TRPM3: variants seen among roughly 807,000 people sequenced by gnomAD.
The protein encoded by TRPM3 is long transient receptor potential channel 3.
In TRPM3, 77 loss-of-function variants were observed where a neutral mutation model predicts 181.2. That is an observed-to-expected ratio of 0.42 (90% CI 0.35 to 0.51). The LOEUF (loss-of-function observed/expected upper bound fraction) is 0.51. TRPM3 is among the 20% of genes least tolerant of loss of function. The pLI, the probability that TRPM3 is intolerant of heterozygous loss-of-function variation, is 0.01. For missense variants in TRPM3, 1,759 were observed against 2,196.7 expected, an observed-to-expected ratio of 0.80 and a Z score of 3.98; for synonymous variants, 745 against 796.4, an observed-to-expected ratio of 0.94 and a Z score of 1.09.
At chr9:70,996,637 C>A (rs1271069680) in intron 1 of TRPM3, among the ~76,000 whole-genome samples, 2 of 152,114 alleles carry the variant, frequency 1.3e-5, no homozygotes, top group Non-Finnish European at 2.9e-5. Flanking sequence ...ACCTTTAGAT[C>A]AGCTCCCTGT....
chr9:70,975,279 T>TA (rs951201467), intron 1 of TRPM3, among the ~76,000 whole-genome samples: 1 of 152,044 alleles, frequency 6.6e-6, no homozygotes, highest in Non-Finnish European at 1.5e-5. Context: ...TCTTTAAGAG[T>TA]AAAAAAATAA....
chr9:70,810,923 A>C (rs1169770044), intron 6 of TRPM3, among the ~76,000 whole-genome samples: 1 of 152,198 alleles, frequency 6.6e-6, no homozygotes, highest in Non-Finnish European at 1.5e-5. Context: ...TTGGAACCTA[A>C]ATAAATGCTC....
chr9:71,400,773 A>G (rs1465271566), intron 1 of TRPM3, among the ~76,000 whole-genome samples: 1 of 151,544 alleles, frequency 6.6e-6, no homozygotes, highest in African/African-American at 2.4e-5. Context: ...GTGTATGGCA[A>G]TGTATTTTAC....
chr9:70,962,852 G>T (rs1405227966), intron 1 of TRPM3, among the ~76,000 whole-genome samples: 5 of 152,094 alleles, frequency 3.3e-5, no homozygotes, highest in African/African-American at 9.7e-5. Context: ...TCACCGGGGG[G>T]ACAAGGGGAC....
At chr9:71,300,865 C>G (rs2086706072) in intron 1 of TRPM3, among the ~76,000 whole-genome samples, 1 of 152,098 alleles carries the variant, frequency 6.6e-6, no homozygotes, top group Non-Finnish European at 1.5e-5. Context: ...GAGGGATACG[C>G]ACTACTACTG....
intron 1 of TRPM3, among the ~76,000 whole-genome samples, chr9:71,438,502 T>G (rs1161956124): frequency 1.0e-5 from 1 of 95,892 alleles, no homozygotes; most frequent in East Asian, 2.4e-4. Context: ...AAACCCCTTC[T>G]CTACAAAAAA....
intron 8 of TRPM3, among the ~76,000 whole-genome samples, chr9:70,690,057 T>C (rs1377358448): frequency 6.6e-6 from 1 of 152,018 alleles, no homozygotes; most frequent in East Asian, 1.9e-4. Flanking sequence ...TCCATGAAAA[T>C]AGAGATGAAG....
intron 1 of TRPM3, among the ~76,000 whole-genome samples, chr9:70,974,463 C>T (rs930856693): frequency 1.3e-5 from 2 of 151,986 alleles, no homozygotes; most frequent in Non-Finnish European, 2.9e-5. Context: ...GGTGTGAACC[C>T]GGGAGGCGGA....
In TRPM3 at chr9:70,539,694, A is replaced by G. The variant is rs73450140; in HGVS notation, c.3708-2289T>C. 6.8e-3 allele frequency among the ~76,000 whole-genome samples: 1,035 copies of G among 152,286 alleles called. 8 individuals are homozygous for G. Among genetic ancestry groups the G allele is most frequent in the African/African-American group, 0.024 (988 of 41,550 alleles). ...TTTCACTTCATTCTGTCCTATAAAC[A>G]TAGCCCAAGAAACAAAATTACTTAC... On this transcript the variant is annotated intron_variant, in intron 25 of 25. Transcript: ENST00000677713.
intron 1 of TRPM3, among the ~76,000 whole-genome samples, chr9:71,401,091 G>A (rs1362026371): frequency 2.6e-5 from 4 of 151,762 alleles, no homozygotes; most frequent in South Asian, 4.2e-4. Context: ...CCAGCTACTC[G>A]GGAGGCTGAG....
In TRPM3 at chr9:70,536,975, T is replaced by G. The variant is rs915440303; in HGVS notation, c.4138A>C (p.Thr1380Pro). Residue 1380 changes from threonine (T) to proline (P), a missense_variant, in exon 26 of 26, where the codon ACT becomes CCT. Thr to Pro is a conservative substitution (Grantham distance 38). Coordinates refer to ENST00000677713, the MANE Select transcript of TRPM3 (RefSeq NM_001366145.2). Reference sequence around the variant, plus strand: ...TCTTTTGCTACAGAGTGGGAACTAGTAGCCCGGTGTAGGCTCAGGGACCTT... The same window carrying G: ...TCTTTTGCTACAGAGTGGGAACTAGGAGCCCGGTGTAGGCTCAGGGACCTT... ...KERSLSLHRATSSHSVAKEPK... is the reference protein window; with the variant it reads ...KERSLSLHRAPSSHSVAKEPK... The G allele has an allele frequency of 6.2e-7, 1 of 1,613,428 alleles. No homozygotes were observed.
At chr9:71,047,856 A>ACG (rs1182020040) in intron 1 of TRPM3, among the ~76,000 whole-genome samples, 1 of 134,366 alleles carries the variant, frequency 7.4e-6, no homozygotes, top group Non-Finnish European at 1.6e-5. Context: ...ACACACACAC[A>ACG]CACTCACACA....
chr9:71,440,398 T>G (rs1033652214), intron 1 of TRPM3, among the ~76,000 whole-genome samples: 1 of 152,232 alleles, frequency 6.6e-6, no homozygotes, highest in Non-Finnish European at 1.5e-5. Context: ...TGTCTCCCAT[T>G]CACTGCACTG....
In TRPM3 at chr9:71,297,152, C is replaced by T. The variant is rs114068081; in HGVS notation, c.183+149501G>A. On this transcript the variant is annotated intron_variant, in intron 1 of 24. Coordinates refer to the TRPM3 transcript ENST00000357533. ...GACTACAGGTGTGCACCACCACACGCGGTTAATTATTTTGTATTTTTAGTA... is the reference window on the plus strand; with the variant it reads ...GACTACAGGTGTGCACCACCACACGTGGTTAATTATTTTGTATTTTTAGTA... Among the ~76,000 whole-genome samples, 1,039 of 151,844 alleles carry T rather than the reference C, an allele frequency of 6.8e-3. 12 individuals are homozygous for T. Among genetic ancestry groups the T allele is most frequent in the African/African-American group, 0.022 (925 of 41,420 alleles).
chr9:71,364,554 C>T (rs144231252), intron 1 of TRPM3, among the ~76,000 whole-genome samples: 1 of 152,310 alleles, frequency 6.6e-6, no homozygotes, highest in African/African-American at 2.4e-5. Flanking sequence ...TTCCAAATGA[C>T]TATAAAGAAT....
intron 1 of TRPM3, among the ~76,000 whole-genome samples, chr9:71,223,899 T>C (rs1274283900): frequency 6.6e-6 from 1 of 152,152 alleles, no homozygotes; most frequent in Non-Finnish European, 1.5e-5. Flanking sequence ...ATTTCTAAGG[T>C]TTCTGACTCT....
chr9:70,683,856 G>C (rs1348114341), intron 8 of TRPM3, among the ~76,000 whole-genome samples: 1 of 152,066 alleles, frequency 6.6e-6, no homozygotes, highest in Non-Finnish European at 1.5e-5. Context: ...GAAAATTTGG[G>C]GTCCACTGGA....
chr9:70,590,724 C>T (rs539028335), intron 22 of TRPM3, among the ~76,000 whole-genome samples: 70 of 151,388 alleles, frequency 4.6e-4, no homozygotes, highest in Non-Finnish European at 8.7e-4. Context: ...CAACACATGG[C>T]CCTGGGAGTT....
At chr9:71,315,162 CCTT>C (rs1408665923) in intron 1 of TRPM3, among the ~76,000 whole-genome samples, 1 of 152,092 alleles carries the variant, frequency 6.6e-6, no homozygotes, top group Non-Finnish European at 1.5e-5. Context: ...TTCACTGAGT[CCTT>C]CTCTTTTCCA....
Sources: gnomAD v4.1 joint callset for allele counts (sites outside exome capture counted in the v4.1 genomes callset) on GRCh38, gnomAD v4.1.1 for gene constraint, MANE v1.5 for transcripts, NCBI Gene and HGNC (gene_info 2026-07-23, HGNC 2026-07-21) for gene names.